The following GPM6A variants were observed in gnomAD, a reference collection of about 807,000 sequenced individuals.
GPM6A encodes the protein glycoprotein M6A, also known as neuronal membrane glycoprotein M6-a.
GPM6A carries 7 observed loss-of-function variants against 32.1 expected under a neutral mutation model. The ratio of observed to expected loss-of-function variants is 0.22; its 90% confidence interval spans 0.12 to 0.41. The LOEUF (loss-of-function observed/expected upper bound fraction) is 0.41, where lower values mean the gene tolerates loss of function less well. Ranked by LOEUF, GPM6A falls within the 10% of genes least tolerant of loss-of-function variation. GPM6A has a pLI of 1.00. For synonymous variants in GPM6A, 130 were observed against 123.4 expected, an observed-to-expected ratio of 1.05 and a Z score of -0.35; for missense variants, 235 against 347.2, an observed-to-expected ratio of 0.68 and a Z score of 2.57.
At chr4:175,921,594 A>G (rs1380821409) in intron 1 of GPM6A, among the ~76,000 whole-genome samples, 2 of 152,330 alleles carry the variant, frequency 1.3e-5, no homozygotes, top group African/African-American at 2.4e-5. Flanking sequence ...GGCATCAAAT[A>G]ATTCCTAGGA....
chr4:175,985,483 A>T (rs935566563), intron 1 of GPM6A, among the ~76,000 whole-genome samples: 4 of 152,168 alleles, frequency 2.6e-5, no homozygotes, highest in Non-Finnish European at 5.9e-5. Context: ...TGTCTTTATT[A>T]TATAGACAAG....
intron 1 of GPM6A, among the ~76,000 whole-genome samples, chr4:175,959,849 TAA>T (rs1740111393): frequency 6.6e-6 from 1 of 152,200 alleles, no homozygotes; most frequent in Non-Finnish European, 1.5e-5. Context: ...ATGCAAATCC[TAA>T]GAGTCTGAGT....
At chr4:175,751,962 C>T (rs773429019) in intron 1 of GPM6A, among the ~76,000 whole-genome samples, 11 of 152,014 alleles carry the variant, frequency 7.2e-5, no homozygotes, top group Non-Finnish European at 1.5e-4. Context: ...TAAAACAAAA[C>T]AAACAAACAA....
intron 1 of GPM6A, among the ~76,000 whole-genome samples, chr4:175,866,321 T>G (rs916550157): frequency 6.6e-6 from 1 of 152,164 alleles, no homozygotes; most frequent in South Asian, 2.1e-4. Context: ...GGGTTTGCTC[T>G]TGGTGTGGCA....
intron 1 of GPM6A, among the ~76,000 whole-genome samples, chr4:175,937,222 CAT>C (rs199955891): frequency 0.055 from 8,398 of 152,064 alleles, 710 homozygotes; most frequent in African/African-American, 0.19. Context: ...GAAATACTGA[CAT>C]ATGTGCATTC....
At chr4:175,804,937 C>T (rs548246737) in intron 1 of GPM6A, among the ~76,000 whole-genome samples, 24 of 151,928 alleles carry the variant, frequency 1.6e-4, no homozygotes, top group South Asian at 1.3e-3. Context: ...CCCAGCTATT[C>T]GGGAGGCTGA....
At chr4:175,766,435 T>C (rs535966203) in intron 1 of GPM6A, among the ~76,000 whole-genome samples, 80 of 152,322 alleles carry the variant, frequency 5.3e-4, no homozygotes, top group Admixed American at 1.9e-3. Context: ...CCAGATTAAA[T>C]GAGTGATTCC....
chr4:175,671,945 C>T (rs549026626), intron 3 of GPM6A, among the ~76,000 whole-genome samples: 18 of 147,606 alleles, frequency 1.2e-4, no homozygotes, highest in African/African-American at 4.4e-4. Flanking sequence ...CCCTTCTGGT[C>T]TGTTGGGTGG....
At chr4:175,974,675 C>G (rs1004056107) in intron 1 of GPM6A, among the ~76,000 whole-genome samples, 1 of 148,378 alleles carries the variant, frequency 6.7e-6, no homozygotes, top group Non-Finnish European at 1.5e-5. Flanking sequence ...TCTCCTGGTA[C>G]CTTTCCTTTA....
At chr4:175,962,099 A>T (rs948633477) in intron 1 of GPM6A, 6 of 749,134 alleles carry the variant, frequency 8.0e-6, no homozygotes, top group African/African-American at 1.7e-5. Context: ...GCCCTACAAT[A>T]GTAGCCCATG....
At chr4:175,699,647 T>C (rs558350631) in intron 2 of GPM6A, among the ~76,000 whole-genome samples, 1 of 152,320 alleles carries the variant, frequency 6.6e-6, no homozygotes, top group South Asian at 2.1e-4. Flanking sequence ...TCCCCATGTA[T>C]GTGTGGGGGG....
chr4:175,730,505 C>G (rs888386189), intron 1 of GPM6A, among the ~76,000 whole-genome samples: 4 of 150,250 alleles, frequency 2.7e-5, no homozygotes, highest in Non-Finnish European at 3.0e-5. Flanking sequence ...GAGTCTCGCT[C>G]TGTCGCCCAG....
At chr4:175,970,285 A>C (rs913058676) in intron 1 of GPM6A, among the ~76,000 whole-genome samples, 1 of 152,224 alleles carries the variant, frequency 6.6e-6, no homozygotes, top group African/African-American at 2.4e-5. Context: ...TGAGGGTTGA[A>C]GGTCAGACTC....
At chr4:175,685,806 C>T (rs1743945349) in intron 2 of GPM6A, among the ~76,000 whole-genome samples, 1 of 152,224 alleles carries the variant, frequency 6.6e-6, no homozygotes, top group South Asian at 2.1e-4. Flanking sequence ...CATTTTTATA[C>T]ACCCCCCCAC....
chr4:175,917,875 G>C (rs1018136025), intron 1 of GPM6A, among the ~76,000 whole-genome samples: 1 of 152,050 alleles, frequency 6.6e-6, no homozygotes, highest in Admixed American at 6.6e-5. Flanking sequence ...TAATTTGTAA[G>C]AGATTATATA....
At chr4:175,904,223 T>A (rs1411312548) in intron 1 of GPM6A, among the ~76,000 whole-genome samples, 5 of 152,176 alleles carry the variant, frequency 3.3e-5, no homozygotes, top group Admixed American at 3.3e-4. Flanking sequence ...ATATTTATTA[T>A]TCTGCCTAAG....
intron 1 of GPM6A, among the ~76,000 whole-genome samples, chr4:175,811,176 A>G (rs987656698): frequency 6.6e-6 from 1 of 152,114 alleles, no homozygotes; most frequent in African/African-American, 2.4e-5. Flanking sequence ...TCCACCCTAT[A>G]TATTTTATCA....
At chr4:175,637,120 A>AT (rs1740684063) in intron 6 of GPM6A, among the ~76,000 whole-genome samples, 1 of 125,892 alleles carries the variant, frequency 7.9e-6, no homozygotes, top group Non-Finnish European at 1.6e-5. Context: ...TATGTGATAT[A>AT]TAATATATAA....
intron 1 of GPM6A, among the ~76,000 whole-genome samples, chr4:175,946,730 T>G (rs2126361221): frequency 6.6e-6 from 1 of 152,272 alleles, no homozygotes; most frequent in African/African-American, 2.4e-5. Context: ...GATGCCAGGC[T>G]ACAGAGGTGG....
Sources: gnomAD v4.1 joint callset for allele counts (sites outside exome capture counted in the v4.1 genomes callset) on GRCh38, gnomAD v4.1.1 for gene constraint, MANE v1.5 for transcripts, NCBI Gene and HGNC (gene_info 2026-07-23, HGNC 2026-07-21) for gene names.